RUNX1: variants seen among roughly 807,000 people sequenced by gnomAD.
RUNX1 encodes the protein RUNX family transcription factor 1, also known as runt-related transcription factor 1.
Under a neutral mutation model 42.8 loss-of-function variants are expected in RUNX1, and 19 were observed. The observed-to-expected ratio is 0.44, with a 90% CI of 0.31 to 0.65. RUNX1 has a LOEUF of 0.65. Among genes scored for constraint, RUNX1 ranks in the 30% least tolerant of loss-of-function variants. The pLI is 0.07. For synonymous variants in RUNX1, 271 were observed against 289.4 expected, an observed-to-expected ratio of 0.94 and a Z score of 0.64; for missense variants, 528 against 672.0, an observed-to-expected ratio of 0.79 and a Z score of 2.37.
intron 6 of RUNX1, among the ~76,000 whole-genome samples, chr21:34,839,594 ACAGCCC>A (rs557939642): frequency 6.2e-4 from 94 of 152,252 alleles, no homozygotes; most frequent in African/African-American, 2.2e-3. Flanking sequence ...GAATCAGAAG[ACAGCCC>A]CAGCCACACT....
chr21:34,844,256 G>T (rs1339630962), intron 6 of RUNX1, among the ~76,000 whole-genome samples: 1 of 152,202 alleles, frequency 6.6e-6, no homozygotes, highest in Non-Finnish European at 1.5e-5. Context: ...TATGAGCACT[G>T]ACTCACAGAA....
intron 2 of RUNX1, among the ~76,000 whole-genome samples, chr21:35,043,369 GGA>G (rs2059373996): frequency 6.6e-6 from 1 of 152,140 alleles, no homozygotes; most frequent in African/African-American, 2.4e-5. Context: ...AAGAGTTGTG[GGA>G]AAAGTGCTTT....
chr21:34,984,635 A>G (rs994777784), intron 2 of RUNX1, among the ~76,000 whole-genome samples: 3 of 152,208 alleles, frequency 2.0e-5, no homozygotes, highest in African/African-American at 7.2e-5. Flanking sequence ...AGAAATGCCC[A>G]GCCAGTGGAG....
At chr21:35,006,364 G>A (rs965526789) in intron 2 of RUNX1, among the ~76,000 whole-genome samples, 2 of 152,078 alleles carry the variant, frequency 1.3e-5, no homozygotes, top group Admixed American at 1.3e-4. Flanking sequence ...CAATGAGAAG[G>A]ACATCATCTG....
chr21:34,997,533 A>T (rs1601653187), intron 2 of RUNX1, among the ~76,000 whole-genome samples: 1 of 152,314 alleles, frequency 6.6e-6, no homozygotes, highest in East Asian at 1.9e-4. Context: ...GGGATTGCTA[A>T]AATTAGATGG....
rs554986382 is a variant in RUNX1, at chr21:34,824,615, G to C, written c.805+9795C>G. The stretch of plus-strand genomic sequence containing the variant: ...ATGAGAAGGTCCCTGTGAGGCTAAG[G>C]CTTGGAAGGAAGAATGTAACAGGGC... On this transcript the variant is annotated intron_variant, in intron 7 of 8. Coordinates refer to ENST00000675419, the MANE Select transcript of RUNX1 (RefSeq NM_001754.5). 2.6e-5 allele frequency among the ~76,000 whole-genome samples: 4 copies of C among 152,186 alleles called. No homozygotes were observed. The South Asian group carries it at 8.3e-4, about 32-fold the overall frequency.
intron 2 of RUNX1, among the ~76,000 whole-genome samples, chr21:34,979,577 G>A (rs115058209): frequency 9.8e-4 from 149 of 152,266 alleles, no homozygotes; most frequent in African/African-American, 3.5e-3. Flanking sequence ...CATTCTGTCT[G>A]GGATGACTAT....
At chr21:34,832,488 TA>T in intron 7 of RUNX1, among the ~76,000 whole-genome samples, 1 of 152,304 alleles carries the variant, frequency 6.6e-6, no homozygotes, top group East Asian at 1.9e-4. Context: ...GCAAATCCCT[TA>T]ATCAACCTAG....
chr21:34,886,793 G>A (rs963595623), intron 4 of RUNX1, 50 bp downstream of exon 4: 1 of 1,609,362 alleles, frequency 6.2e-7, no homozygotes, highest in Non-Finnish European at 8.5e-7. Context: ...GATCTCCCCC[G>A]GCCTCGCCGG....
At chr21:34,924,257 G>A (rs2058376286) in intron 2 of RUNX1, among the ~76,000 whole-genome samples, 1 of 152,136 alleles carries the variant, frequency 6.6e-6, no homozygotes, top group African/African-American at 2.4e-5. Context: ...CATCTTTGAT[G>A]ACCACTTGCT....
intron 4 of RUNX1, among the ~76,000 whole-genome samples, chr21:34,886,335 G>T (rs2057986505): frequency 6.6e-6 from 1 of 152,160 alleles, no homozygotes; most frequent in African/African-American, 2.4e-5. Flanking sequence ...CCTATAGGGC[G>T]GTTAGAGAAG....
chr21:34,916,166 C>T (rs1337506960), intron 2 of RUNX1, among the ~76,000 whole-genome samples: 4 of 152,148 alleles, frequency 2.6e-5, no homozygotes, highest in Non-Finnish European at 5.9e-5. Flanking sequence ...ACGCCAGTGG[C>T]TCATTGGTAT....
chr21:34,823,539 G>C (rs556463455), intron 7 of RUNX1, among the ~76,000 whole-genome samples: 47 of 146,852 alleles, frequency 3.2e-4, no homozygotes, highest in African/African-American at 1.2e-3. Context: ...TGCCTCCCAG[G>C]TTCAAGCGAT....
intron 2 of RUNX1, among the ~76,000 whole-genome samples, chr21:34,894,880 A>AACACACACACACACACAC (rs57230115): frequency 7.8e-6 from 1 of 127,872 alleles, no homozygotes; most frequent in Non-Finnish European, 1.6e-5. Context: ...CCTACATAGA[A>AACACACACACACACACAC]ACACACACAC....
intron 6 of RUNX1, among the ~76,000 whole-genome samples, chr21:34,837,427 A>C (rs2057163543): frequency 6.6e-6 from 1 of 152,164 alleles, no homozygotes; most frequent in Non-Finnish European, 1.5e-5. Flanking sequence ...TACAAGCTAG[A>C]TCGAAGGAAC....
intron 6 of RUNX1, among the ~76,000 whole-genome samples, chr21:34,852,398 G>C (rs2057435086): frequency 6.6e-6 from 1 of 152,092 alleles, no homozygotes. Flanking sequence ...CTCCACTCTA[G>C]GGTCAAGGAA....
intron 5 of RUNX1, among the ~76,000 whole-genome samples, chr21:34,875,637 T>C (rs532524011): frequency 3.3e-5 from 5 of 152,318 alleles, no homozygotes; most frequent in African/African-American, 1.2e-4. Flanking sequence ...AGATGAATTT[T>C]TCCTTCTTCT....
At chr21:34,969,464 C>T (rs770257695) in intron 2 of RUNX1, among the ~76,000 whole-genome samples, 10 of 151,832 alleles carry the variant, frequency 6.6e-5, no homozygotes, top group Admixed American at 3.3e-4. Context: ...AAAGATGAAA[C>T]GTGGAGAAAT....
chr21:34,924,144 C>T (rs1249714047), intron 2 of RUNX1, among the ~76,000 whole-genome samples: 1 of 152,236 alleles, frequency 6.6e-6, no homozygotes, highest in African/African-American at 2.4e-5. Flanking sequence ...CTTCTCTTCA[C>T]AACAGCTTAC....
Sources: allele counts gnomAD v4.1 joint callset (sites outside exome capture counted in the v4.1 genomes callset), GRCh38; gene constraint gnomAD v4.1.1; transcripts MANE v1.5; gene names NCBI Gene and HGNC (gene_info 2026-07-23, HGNC 2026-07-21).